Variants in ADPGK observed in about 807,000 individuals in gnomAD.
ADPGK encodes the protein ADP-dependent glucokinase.
ADPGK carries 26 observed loss-of-function variants against 42.4 expected under a neutral mutation model. The observed-to-expected ratio is 0.61, with a 90% CI of 0.45 to 0.85. ADPGK has a LOEUF of 0.85. Ranked by LOEUF, ADPGK falls within the 40% of genes least tolerant of loss-of-function variation. The probability of loss-of-function intolerance (pLI) is 0.00; values close to 1 mark genes in which losing one functional copy is unlikely to be tolerated. For synonymous variants in ADPGK, 267 were observed against 252.6 expected (o/e 1.06, Z -0.54); for missense variants, 571 against 627.0 (o/e 0.91, Z 0.95).
chr15:72,756,608 T>G, intron 4 of ADPGK, 161 bp from the exon 5 acceptor site: 1 of 719,910 alleles, frequency 1.4e-6, no homozygotes, highest in Non-Finnish European at 2.2e-6. Flanking sequence ...AGCATGGCAC[T>G]GCAAGAAACA....
At chr15:72,776,360 G>A (rs1377031187) in intron 1 of ADPGK, among the ~76,000 whole-genome samples, 1 of 152,114 alleles carries the variant, frequency 6.6e-6, no homozygotes, top group Admixed American at 6.5e-5. Flanking sequence ...AGTGAGGTTG[G>A]ATTACCACAC....
At chr15:72,775,450 T>C (rs1302310143) in intron 1 of ADPGK, among the ~76,000 whole-genome samples, 1 of 152,188 alleles carries the variant, frequency 6.6e-6, no homozygotes. Flanking sequence ...GCCGTGTGAC[T>C]TGGGCAAGTC....
At chr15:72,778,644 A>G (rs1414623817) in intron 1 of ADPGK, among the ~76,000 whole-genome samples, 1 of 152,224 alleles carries the variant, frequency 6.6e-6, no homozygotes, top group East Asian at 1.9e-4. Flanking sequence ...CTTCTAGACC[A>G]TAAGTGCCTC....
chr15:72,775,201 A>T (rs1340367408), intron 1 of ADPGK, 104 bp from the exon 2 acceptor site: 2 of 981,084 alleles, frequency 2.0e-6, no homozygotes, highest in Non-Finnish European at 3.1e-6. Context: ...CAACAGAAAA[A>T]ACAGGAAGTA....
rs35030034 is a variant in ADPGK, at chr15:72,769,812, T to G, written c.522+1971A>C. ...TTCCCACTCTACTCATTATCAGGTA[T>G]GTGATTTTCACCAGTTTTAACTTCT... On this transcript the variant is annotated intron_variant, in intron 3 of 6. Transcript: ENST00000456471. Among the ~76,000 whole-genome samples the G allele has an allele frequency of 4.4e-3, 676 of 152,334 alleles. 2 individuals carry two copies. Among genetic ancestry groups the G allele is most frequent in the Non-Finnish European group, 7.8e-3 (533 of 68,040 alleles).
Position 72,775,101 on chromosome 15 carries a change from G to T in ADPGK, c.234-4C>A, listed in dbSNP as rs765152120. ...CACATCAACACATGCATTGACTCTA[G>T]AAGGAGGAAAAAAACTGTGTGAAAG... On this transcript the variant is annotated splice_region_variant and splice_polypyrimidine_tract_variant and intron_variant, in intron 1 of 6. Coordinates refer to ENST00000456471, the MANE Select transcript of ADPGK (RefSeq NM_001365225.1). The T allele has an allele frequency of 1.1e-5, 18 of 1,613,094 alleles. No homozygotes were observed. The East Asian group carries it at 3.6e-4, about 32-fold the overall frequency.
chr15:72,752,318 A>C lies in ADPGK; in HGVS notation c.*23T>G. ...AAGTTGGCTAGTTCTCCTTCCTCAG[A>C]AAAATTACCCCTAAGAATCTTCCTA... is the stretch of plus-strand genomic sequence containing the variant. On this transcript the variant is annotated 3_prime_UTR_variant, in exon 7 of 7. Coordinates refer to ENST00000456471, the MANE Select transcript of ADPGK (RefSeq NM_001365225.1). 1 of 1,573,986 alleles carries C rather than the reference A, an allele frequency of 6.4e-7. No homozygotes were observed. Among genetic ancestry groups the C allele is most frequent in the South Asian group, 1.2e-5 (1 of 86,130 alleles).
rs369911223 is a variant in ADPGK, at chr15:72,752,720, C to A, written c.1115G>T (p.Arg372Ile). The stretch of plus-strand genomic sequence containing the variant: ...ATGGATCCTGGTGAGATCCGAGGCT[C>A]TGCTTTTACTCCTCCCATGTTCTTT... ...ILKEHGRSKSRASDLTRIHFH... is the reference protein window; with the variant it reads ...ILKEHGRSKSIASDLTRIHFH... The change falls in exon 7 of 7, where the codon AGA (arginine) becomes ATA (isoleucine). Residue 372 changes from arginine to isoleucine, a missense_variant. Around this residue, in one of 2 missense-constraint regions of ADPGK, gnomAD observed 434 missense variants for 522.7 expected, o/e 0.83. Transcript: ENST00000456471. 5 of 1,614,058 alleles carry A rather than the reference C, an allele frequency of 3.1e-6. No individual in the cohort carries two copies. In the African/African-American group the frequency reaches 6.7e-5, roughly 22 times the overall value.
At chr15:72,767,118 T>TA (rs2066270473) in intron 3 of ADPGK, among the ~76,000 whole-genome samples, 1 of 152,126 alleles carries the variant, frequency 6.6e-6, no homozygotes, top group Non-Finnish European at 1.5e-5. Flanking sequence ...ATGCCAATAC[T>TA]AATCAAATGA....
chr15:72,764,753 G>GTC (rs2066237272), intron 3 of ADPGK, among the ~76,000 whole-genome samples: 1 of 152,200 alleles, frequency 6.6e-6, no homozygotes, highest in Non-Finnish European at 1.5e-5. Context: ...GAGCTAGAGA[G>GTC]TAGAAGTCAA....
In ADPGK at chr15:72,752,493, G is replaced by A; in HGVS notation, c.1342C>T (p.Pro448Ser). 1.2e-6 allele frequency: 2 copies of A among 1,614,160 alleles called. No homozygotes were observed. Among genetic ancestry groups the A allele is most frequent in the South Asian group, 1.1e-5 (1 of 91,078 alleles). The change falls in exon 7 of 7, where the codon CCA (proline) becomes TCA (serine). Residue 448 changes from proline to serine, a missense_variant. Transcript: ENST00000456471. ...SEAGSRIVLN[P>S]NKPVVEWHRE... is the part of the protein sequence containing the mutation. ...TGCCATTCTACTACTGGCTTGTTTG[G>A]GTTTAATACAATCCTGGAGCCTGCC...
chr15:72,752,889 A>G lies in ADPGK; in HGVS notation c.946T>C (p.Phe316Leu), dbSNP rs2066066311. 6.2e-7 allele frequency: 1 copy of G among 1,608,830 alleles called. No individual in the cohort carries two copies. Among genetic ancestry groups the G allele is most frequent in the South Asian group, 1.1e-5 (1 of 90,884 alleles). ...AGCCCAAGGGAAGTCACCGCGGGAA[A>G]GACCTGCTAACAAAAACAACAACAG... ...LMSSIVHQQV[F>L]PAVTSLGLNE... is the part of the protein sequence containing the mutation. The change falls in exon 7 of 7, where the codon TTT (phenylalanine) becomes CTT (leucine). Residue 316 changes from phenylalanine (F) to leucine (L), a missense_variant. Transcript: ENST00000456471.
chr15:72,783,695 G>C lies in ADPGK; in HGVS notation c.-4C>G, dbSNP rs767545069. The C allele has an allele frequency of 8.2e-6, 12 of 1,471,522 alleles. No homozygotes were observed. Among genetic ancestry groups the C allele is most frequent in the Middle Eastern group, 1.8e-4 (1 of 5,458 alleles). 91.2% of individuals were successfully genotyped at this position (1,471,522 alleles called of 1,614,324 possible). On this transcript the variant is annotated 5_prime_UTR_variant, in exon 1 of 7. Transcript: ENST00000456471. The stretch of plus-strand genomic sequence containing the variant: ...CGGAGCCGCGCCACAGCGCCATGGG[G>C]ACCCAGGCGCCGCACCTGCGCGAAC...
At chr15:72,760,167 G>T in intron 4 of ADPGK, 1 of 283,722 alleles carries the variant, frequency 3.5e-6, no homozygotes, top group South Asian at 8.7e-5. Flanking sequence ...GATTTATCTT[G>T]GGTTCGGAGC....
intron 3 of ADPGK, among the ~76,000 whole-genome samples, chr15:72,762,500 T>A (rs1369065474): frequency 6.6e-6 from 1 of 152,224 alleles, no homozygotes; most frequent in East Asian, 1.9e-4. Context: ...TCTGAAAAAG[T>A]CTTGCCCCAA....
intron 5 of ADPGK, 65 bp downstream of exon 5, chr15:72,756,186 G>A (rs1427569446): frequency 6.3e-7 from 1 of 1,591,872 alleles, no homozygotes; most frequent in East Asian, 2.2e-5. Flanking sequence ...CAGATGCCAA[G>A]AGAGGCTGGA....
chr15:72,781,604 T>C (rs925714375), intron 1 of ADPGK, among the ~76,000 whole-genome samples: 1 of 152,184 alleles, frequency 6.6e-6, no homozygotes, highest in Non-Finnish European at 1.5e-5. Flanking sequence ...GCTCCTCCCA[T>C]CAAGGTTTGT....
chr15:72,764,756 G>C (rs2066237310), intron 3 of ADPGK, among the ~76,000 whole-genome samples: 1 of 152,154 alleles, frequency 6.6e-6, no homozygotes, highest in Non-Finnish European at 1.5e-5. Context: ...CTAGAGAGTA[G>C]AAGTCAATGC....
chr15:72,756,653 CAG>C (rs1399325546), intron 4 of ADPGK: 8 of 598,500 alleles, frequency 1.3e-5, no homozygotes, highest in Non-Finnish European at 2.1e-5. Flanking sequence ...AGCCAAGAAA[CAG>C]AAACATAGTA....
Sources: gnomAD v4.1 joint callset for allele counts (sites outside exome capture counted in the v4.1 genomes callset) on GRCh38, gnomAD v4.1.1 for gene constraint, gnomAD v4.1.1 regional missense constraint, MANE v1.5 for transcripts, NCBI Gene and HGNC (gene_info 2026-07-23, HGNC 2026-07-21) for gene names.